PRKDC: variants seen among roughly 807,000 people sequenced by gnomAD.
PRKDC encodes DNA-dependent protein kinase catalytic subunit.
In PRKDC, 82 loss-of-function variants were observed where a neutral mutation model predicts 486.9. The observed-to-expected ratio is 0.17, with a 90% CI of 0.14 to 0.20. The LOEUF (loss-of-function observed/expected upper bound fraction) is 0.20. Ranked by LOEUF, PRKDC falls within the 10% of genes least tolerant of loss-of-function variation. PRKDC has a pLI of 1.00. For synonymous variants in PRKDC, 1,895 were observed against 1,837.0 expected (o/e 1.03, Z -0.81); for missense variants, 4,504 against 5,038.2 (o/e 0.89, Z 3.21).
intron 80 of PRKDC, among the ~76,000 whole-genome samples, chr8:47,780,822 C>G (rs552237490): frequency 6.6e-6 from 1 of 152,224 alleles, no homozygotes; most frequent in South Asian, 2.1e-4. Flanking sequence ...CCTGTAATCT[C>G]AGCTACTCGG....
At chr8:47,873,958 G>T (rs1185873573) in intron 40 of PRKDC, among the ~76,000 whole-genome samples, 1 of 151,694 alleles carries the variant, frequency 6.6e-6, no homozygotes, top group Non-Finnish European at 1.5e-5. Flanking sequence ...GCAGAATAGG[G>T]TGATTACAGT....
intron 52 of PRKDC, among the ~76,000 whole-genome samples, chr8:47,850,996 G>A (rs949530843): frequency 6.6e-6 from 1 of 152,110 alleles, no homozygotes; most frequent in African/African-American, 2.4e-5. Context: ...TTTTTGTGGA[G>A]GCAGGGTTTC....
Position 47,886,131 on chromosome 8 carries a change from C to A in PRKDC, c.4589G>T (p.Ser1530Ile), listed in dbSNP as rs765573218. 2.5e-6 allele frequency: 4 copies of A among 1,604,242 alleles called. No individual in the cohort carries two copies. The highest frequency in any genetic ancestry group is 3.4e-6 in the Non-Finnish European group (4 of 1,176,008). Residue 1530 changes from serine to isoleucine, a missense_variant, in exon 36 of 86, where the codon AGT becomes ATT. Coordinates refer to ENST00000314191, the MANE Select transcript of PRKDC (RefSeq NM_006904.7). ...AFGGLCERLV[S>I]LLLNPAVLST... is the part of the protein sequence containing the mutation. The stretch of plus-strand genomic sequence containing the variant: ...CAGCACCGCTGGGTTCAGGAGAAGA[C>A]TCACAAGGCGCTCACACTGGGAAAA...
In PRKDC at chr8:47,855,212, G is replaced by T; in HGVS notation, c.6761+10C>A. The T allele has an allele frequency of 6.3e-7, 1 of 1,581,426 alleles. No individual in the cohort carries two copies. Among genetic ancestry groups the T allele is most frequent in the Non-Finnish European group, 8.6e-7 (1 of 1,165,602 alleles). ...TTTCTAAACAATACTGCAAAAACCA[G>T]TAAACATACCTATAAGGGATGGATA... On this transcript the variant is annotated intron_variant, in intron 50 of 85. Transcript: ENST00000314191.
chr8:47,774,185 C>T lies in PRKDC; in HGVS notation c.12375G>A (p.Glu4125=), dbSNP rs764708924. ...ACTCCCACAGACCTCACATCCAGGG[C>T]TCCCATCCTTCCCAGGTTCTGCCAA... is the stretch of plus-strand genomic sequence containing the variant. The part of the protein sequence containing the change: ...NILGRTWEGW[E]PWM The change falls in exon 86 of 86, where the codon GAG becomes GAA. Residue 4125 remains glutamate (E), a synonymous_variant. Transcript: ENST00000314191. The T allele has an allele frequency of 1.3e-5, 20 of 1,577,048 alleles. No homozygotes were observed. In the African/African-American group the frequency reaches 2.0e-4, roughly 16 times the overall value.
intron 52 of PRKDC, among the ~76,000 whole-genome samples, chr8:47,850,355 G>A (rs141563469): frequency 1.4e-3 from 212 of 152,274 alleles, no homozygotes; most frequent in Admixed American, 3.6e-3. Context: ...AATGCAAAAC[G>A]TTTTGAGCCT....
intron 7 of PRKDC, among the ~76,000 whole-genome samples, chr8:47,944,791 T>C (rs905668220): frequency 2.6e-5 from 4 of 152,340 alleles, no homozygotes; most frequent in East Asian, 1.9e-4. Context: ...TTGCTTTTCA[T>C]TGCAAGGACT....
Position 47,936,399 on chromosome 8 carries a change from G to C in PRKDC, c.1232C>G (p.Pro411Arg), listed in dbSNP as rs1221085668. The C allele has an allele frequency of 1.2e-6, 2 of 1,613,916 alleles. No individual in the cohort carries two copies. Among genetic ancestry groups the C allele is most frequent in the Admixed American group, 3.3e-5 (2 of 60,012 alleles). Residue 411 changes from proline (P) to arginine (R), a missense_variant, in exon 12 of 86, where the codon CCA becomes CGA. Physicochemically the swap from Pro to Arg is moderately radical, Grantham distance 103. Around this residue, in one of 6 missense-constraint regions of PRKDC, gnomAD observed 1,969 missense variants for 2,068.9 expected, o/e 0.95. Transcript: ENST00000314191. ...DTGDDRVYQM[P>R]SFLQSVASVL... is the part of the protein sequence containing the mutation. ...GCTTGCAACAGACTGGAGGAAGCTT[G>C]GCATCTGATAAACACGGTCGTCACC...
At chr8:47,935,533 T>C (rs2090334888) in intron 13 of PRKDC, among the ~76,000 whole-genome samples, 199 bp downstream of exon 13, 1 of 151,870 alleles carries the variant, frequency 6.6e-6, no homozygotes, top group Non-Finnish European at 1.5e-5. Flanking sequence ...TTAAAATTAA[T>C]AGTTCTATTA....
intron 80 of PRKDC, among the ~76,000 whole-genome samples, chr8:47,780,256 A>G (rs2086676250): frequency 6.6e-6 from 1 of 152,216 alleles, no homozygotes; most frequent in Admixed American, 6.5e-5. Flanking sequence ...GTAGATATAC[A>G]CACAATCCAT....
intron 77 of PRKDC, 27 bp downstream of exon 77, chr8:47,785,086 T>C: frequency 6.2e-7 from 1 of 1,607,174 alleles, no homozygotes; most frequent in Non-Finnish European, 8.5e-7. Flanking sequence ...GACAGTACAG[T>C]TTTGTCACCC....
intron 70 of PRKDC, among the ~76,000 whole-genome samples, chr8:47,802,029 T>C (rs537372409): frequency 2.6e-5 from 4 of 152,312 alleles, no homozygotes; most frequent in Admixed American, 2.0e-4. Context: ...AAAAAGCCCA[T>C]ATAATTATTT....
intron 15 of PRKDC, among the ~76,000 whole-genome samples, chr8:47,933,745 T>C (rs914150117): frequency 9.8e-5 from 15 of 152,348 alleles, no homozygotes; most frequent in Non-Finnish European, 2.1e-4. Context: ...CAGTAACTAA[T>C]GTTAAAGGAG....
intron 68 of PRKDC, among the ~76,000 whole-genome samples, chr8:47,809,246 T>G (rs961766321): frequency 6.6e-6 from 1 of 152,070 alleles, no homozygotes; most frequent in African/African-American, 2.4e-5. Flanking sequence ...ATACAACCCT[T>G]GCTGGCCATT....
rs1242883145 is a variant in PRKDC, at chr8:47,953,701, C to G, written c.640G>C (p.Glu214Gln). 2 of 1,612,744 alleles carry G rather than the reference C, an allele frequency of 1.2e-6. No homozygotes were observed. Among genetic ancestry groups the G allele is most frequent in the Admixed American group, 1.7e-5 (1 of 59,842 alleles). Residue 214 changes from glutamate (E) to glutamine (Q), a missense_variant, in exon 7 of 86, where the codon GAG (glutamate) becomes CAG (glutamine). By Grantham distance (29) the Glu-to-Gln change is conservative (BLOSUM62 2). Transcript: ENST00000314191. Reference sequence around the variant, plus strand: ...CCTGCCAGAACAGGTAGTTTGGGCTCTCTTACTGCTGATGTCATCTAAAAG... The same window carrying G: ...CCTGCCAGAACAGGTAGTTTGGGCTGTCTTACTGCTGATGTCATCTAAAAG... ...LKTQMTSAVR[E>Q]PKLPVLAGCL... is the part of the protein sequence containing the mutation.
At chr8:47,902,102 C>T (rs939187731) in intron 27 of PRKDC, among the ~76,000 whole-genome samples, 2 of 152,164 alleles carry the variant, frequency 1.3e-5, no homozygotes, top group African/African-American at 2.4e-5. Context: ...GCCAGCCTCA[C>T]GACACCTGCC....
At position 47,834,401 on chromosome 8, in the gene PRKDC, G is replaced by A. The variant is rs952598711; in HGVS notation, c.7952-5C>T. On this transcript the variant is annotated splice_region_variant and splice_polypyrimidine_tract_variant and intron_variant, in intron 58 of 85. Transcript: ENST00000314191. ...AATCAAATGAGCTTCTTCCATCTGT[G>A]ACATGCAATCAGAGAGGTCAGGCAC... 14 of 1,612,578 alleles carry A rather than the reference G, an allele frequency of 8.7e-6. No individual in the cohort carries two copies. Among genetic ancestry groups the A allele is most frequent in the African/African-American group, 2.7e-5 (2 of 74,882 alleles).
At chr8:47,885,806 C>T (rs959746706) in intron 36 of PRKDC, 138 bp downstream of exon 36, 10 of 776,482 alleles carry the variant, frequency 1.3e-5, no homozygotes, top group African/African-American at 3.5e-5. Flanking sequence ...GCAGGAGAAT[C>T]GCTTCAATCT....
At position 47,821,632 on chromosome 8, in the gene PRKDC, T is replaced by C. The variant is rs747735481; in HGVS notation, c.9083A>G (p.Asn3028Ser). The C allele has an allele frequency of 1.9e-6, 3 of 1,601,014 alleles. No individual in the cohort carries two copies. Among genetic ancestry groups the C allele is most frequent in the Admixed American group, 1.7e-5 (1 of 58,504 alleles). ...ATAAAATGGTTCACTCCAGATTTTA[T>C]TTAGGTCTGGGGGGTTCTCACTGTC... Reference protein sequence around the residue: ...SIDSENPPDLNKIWSEPFYQE... With the variant: ...SIDSENPPDLSKIWSEPFYQE... The change falls in exon 65 of 86, where the codon AAT becomes AGT. Residue 3028 changes from asparagine to serine, a missense_variant. Around this residue, in one of 6 missense-constraint regions of PRKDC, gnomAD observed 1,592 missense variants for 1,724.6 expected, o/e 0.92. Coordinates refer to ENST00000314191, the MANE Select transcript of PRKDC (RefSeq NM_006904.7).
Sources: allele counts gnomAD v4.1 joint callset (sites outside exome capture counted in the v4.1 genomes callset), GRCh38; gene constraint gnomAD v4.1.1; regional missense constraint gnomAD v4.1.1; transcripts MANE v1.5; gene names NCBI Gene and HGNC (gene_info 2026-07-23, HGNC 2026-07-21).